CRB1: variants seen among roughly 807,000 people sequenced by gnomAD.
The protein encoded by CRB1 is crumbs cell polarity complex component 1.
Under a neutral mutation model 120.0 loss-of-function variants are expected in CRB1, and 83 were observed. That is an observed-to-expected ratio of 0.69 (90% CI 0.58 to 0.83). The LOEUF (loss-of-function observed/expected upper bound fraction) is 0.83. Ranked by LOEUF, CRB1 falls within the 40% of genes least tolerant of loss-of-function variation. The probability of loss-of-function intolerance (pLI) is 0.00; values close to 1 mark genes in which losing one functional copy is unlikely to be tolerated. For missense variants in CRB1, 1,699 were observed against 1,687.6 expected (o/e 1.01, Z -0.12); for synonymous variants, 625 against 612.5 (o/e 1.02, Z -0.30).
At chr1:197,264,680 G>A (rs756277252), upstream of CRB1, among the ~76,000 whole-genome samples, 9 of 149,536 alleles carry the variant, frequency 6.0e-5, no homozygotes, top group Non-Finnish European at 1.0e-4. Context: ...GGAGTGCAGT[G>A]GCATGATCTC....
chr1:197,303,725 A>G (rs1431245852), intron 1 of CRB1, among the ~76,000 whole-genome samples: 1 of 152,190 alleles, frequency 6.6e-6, no homozygotes, highest in Non-Finnish European at 1.5e-5. Flanking sequence ...TAAATAAGCC[A>G]CTTTAGATTT....
At chr1:197,364,240 T>C (rs1414739302) in intron 5 of CRB1, among the ~76,000 whole-genome samples, 1 of 152,136 alleles carries the variant, frequency 6.6e-6, no homozygotes, top group Non-Finnish European at 1.5e-5. Flanking sequence ...TCAATATGTT[T>C]GCAAAAAAGA....
rs371448949 is a variant in CRB1, at chr1:197,293,106, A to G, written c.70+24624A>G. On this transcript the variant is annotated intron_variant, in intron 1 of 11. Coordinates refer to ENST00000367400, the MANE Select transcript of CRB1 (RefSeq NM_201253.3). ...GAAATAAATGGTATTCGATCAGGAA[A>G]AGAGGAAGTCAAATTGTCCCTGTTT... 2.0e-4 allele frequency among the ~76,000 whole-genome samples: 31 copies of G among 152,264 alleles called. No homozygotes were observed. In the East Asian group the frequency reaches 3.7e-3, roughly 18 times the overall value.
At chr1:197,472,593 G>A (rs1667028859) in intron 11 of CRB1, among the ~76,000 whole-genome samples, 1 of 152,078 alleles carries the variant, frequency 6.6e-6, no homozygotes, top group Non-Finnish European at 1.5e-5. Flanking sequence ...GCTGTCATCG[G>A]CCCTAAATAT....
chr1:197,222,821 C>G, the CRB1 span: 1 of 1,510,342 alleles, frequency 6.6e-7, no homozygotes. Context: ...AGCATCTAGC[C>G]AAGGATCATT....
chr1:197,268,544 A>C lies in CRB1; in HGVS notation c.70+62A>C, dbSNP rs1654728850. 1.0e-5 allele frequency: 12 copies of C among 1,197,204 alleles called. No individual in the cohort carries two copies. The South Asian group carries it at 1.2e-4, about 12-fold the overall frequency. The allele number at this position is 1,197,204 out of a possible 1,614,324, so 74.2% of individuals were successfully genotyped here. On this transcript the variant is annotated intron_variant, in intron 1 of 11. Coordinates refer to ENST00000367400, the MANE Select transcript of CRB1 (RefSeq NM_201253.3). ...ATTTCTGGCTTATTATATTTCTTAC[A>C]AATAATGGATAATGTTGCATGTTCT...
rs532456699 is a variant in CRB1 at position 197,293,932 on chromosome 1, T to A, written c.70+25450T>A. Among the ~76,000 whole-genome samples the A allele has an allele frequency of 1.6e-4, 25 of 152,016 alleles. No homozygotes were observed. The South Asian group carries it at 3.7e-3, about 23-fold the overall frequency. ...TTAATTCAAGATGGATTAAAGACTTTAATGTTAGACCTAAGACCATAAAAA... is the reference window on the plus strand; with the variant it reads ...TTAATTCAAGATGGATTAAAGACTTAAATGTTAGACCTAAGACCATAAAAA... On this transcript the variant is annotated intron_variant, in intron 1 of 11. Transcript: ENST00000367400.
In CRB1 at chr1:197,325,496, C is replaced by T. The variant is rs191993133; in HGVS notation, c.71-2926C>T. ...ATGTTCACAATTCCTCTATTCTACTCTGATTATTTAGGTAAAATTAGGTTA... is the reference window on the plus strand; with the variant it reads ...ATGTTCACAATTCCTCTATTCTACTTTGATTATTTAGGTAAAATTAGGTTA... On this transcript the variant is annotated intron_variant, in intron 1 of 11. Transcript: ENST00000367400. 3.6e-3 allele frequency among the ~76,000 whole-genome samples: 543 copies of T among 152,152 alleles called. 2 individuals are homozygous for T. Among genetic ancestry groups the T allele is most frequent in the African/African-American group, 0.012 (479 of 41,514 alleles).
intron 5 of CRB1, among the ~76,000 whole-genome samples, chr1:197,408,324 T>C (rs1249124123): frequency 6.6e-6 from 1 of 152,052 alleles, no homozygotes; most frequent in Non-Finnish European, 1.5e-5. Flanking sequence ...GAAAGAAAGT[T>C]GGGATTTTGA....
intron 1 of CRB1, among the ~76,000 whole-genome samples, chr1:197,283,647 C>G (rs1293554494): frequency 1.3e-5 from 2 of 151,410 alleles, no homozygotes; most frequent in Non-Finnish European, 3.0e-5. Context: ...ATCGATATAC[C>G]ACAGTTTCTT....
intron 5 of CRB1, among the ~76,000 whole-genome samples, chr1:197,381,381 C>T (rs766454517): frequency 2.0e-5 from 3 of 152,176 alleles, no homozygotes; most frequent in Non-Finnish European, 4.4e-5. Flanking sequence ...TAGGTAAATT[C>T]AAATTATAAT....
At chr1:197,304,450 A>C in intron 1 of CRB1, 4 of 887,798 alleles carry the variant, frequency 4.5e-6, no homozygotes, top group Non-Finnish European at 5.4e-6. Context: ...ATTCTCACTT[A>C]ACCTCTATGA....
At chr1:197,228,266 G>A in the CRB1 span, among the ~76,000 whole-genome samples, 3 of 152,120 alleles carry the variant, frequency 2.0e-5, no homozygotes, top group Non-Finnish European at 2.9e-5. Context: ...CTACTGCATC[G>A]TCAGGCTGCA....
At chr1:197,320,406 G>T (rs1658120691) in intron 1 of CRB1, among the ~76,000 whole-genome samples, 1 of 152,024 alleles carries the variant, frequency 6.6e-6, no homozygotes, top group Non-Finnish European at 1.5e-5. Flanking sequence ...TAATTCACTA[G>T]GTATTACATG....
chr1:197,253,005 T>C, the CRB1 span, among the ~76,000 whole-genome samples: 1 of 152,000 alleles, frequency 6.6e-6, no homozygotes, highest in Admixed American at 6.6e-5. Context: ...ATCCAGAAAG[T>C]ATGCTTTACC....
intron 5 of CRB1, among the ~76,000 whole-genome samples, chr1:197,379,616 A>AAAC (rs1661838713): frequency 2.0e-5 from 3 of 151,854 alleles, no homozygotes; most frequent in African/African-American, 7.3e-5. Flanking sequence ...AAAAAAAAAA[A>AAAC]AAAAAAAAAA....
chr1:197,346,822 C>A (rs577527126), intron 3 of CRB1, among the ~76,000 whole-genome samples: 2 of 152,258 alleles, frequency 1.3e-5, no homozygotes, highest in African/African-American at 4.8e-5. Context: ...TCGTAAGTCA[C>A]AATTCATTTA....
chr1:197,222,944 G>C, the CRB1 span: 2 of 910,678 alleles, frequency 2.2e-6, no homozygotes, highest in Non-Finnish European at 3.7e-6. Context: ...CGCTCTGCAA[G>C]AGTTTGCAGA....
chr1:197,277,621 T>C (rs1002717585), intron 1 of CRB1, among the ~76,000 whole-genome samples: 2 of 152,018 alleles, frequency 1.3e-5, no homozygotes, highest in African/African-American at 2.4e-5. Context: ...ATTATTATTA[T>C]TGTGTTTCTG....
Sources: allele counts gnomAD v4.1 joint callset (sites outside exome capture counted in the v4.1 genomes callset), GRCh38; gene constraint gnomAD v4.1.1; transcripts MANE v1.5; gene names NCBI Gene and HGNC (gene_info 2026-07-23, HGNC 2026-07-21).